DYSF: variants seen among roughly 807,000 people sequenced by gnomAD.
DYSF encodes the protein dystrophy-associated fer-1-like 1.
Under a neutral mutation model 274.9 loss-of-function variants are expected in DYSF, and 212 were observed. The observed-to-expected ratio is 0.77, with a 90% CI of 0.69 to 0.86. The LOEUF is 0.86. Ranked by LOEUF, DYSF falls within the 40% of genes least tolerant of loss-of-function variation. The pLI, the probability that DYSF is intolerant of heterozygous loss-of-function variation, is 0.00. For missense variants in DYSF, 2,666 were observed against 2,783.2 expected, an observed-to-expected ratio of 0.96 and a Z score of 0.95; for synonymous variants, 1,091 against 1,078.7, an observed-to-expected ratio of 1.01 and a Z score of -0.22.
At chr2:71,626,710 A>G (rs1267406613) in intron 41 of DYSF, among the ~76,000 whole-genome samples, 2 of 151,664 alleles carry the variant, frequency 1.3e-5, no homozygotes, top group African/African-American at 4.8e-5. Flanking sequence ...TATTATTTTC[A>G]GGTTTATAAA....
chr2:71,580,582 C>T (rs2092858958), intron 30 of DYSF, among the ~76,000 whole-genome samples: 1 of 152,072 alleles, frequency 6.6e-6, no homozygotes, highest in African/African-American at 2.4e-5. Context: ...GAGGGGTTTA[C>T]CTCATTAGGA....
intron 3 of DYSF, among the ~76,000 whole-genome samples, chr2:71,488,986 A>G (rs1193397877): frequency 6.6e-6 from 1 of 151,126 alleles, no homozygotes; most frequent in Non-Finnish European, 1.5e-5. Flanking sequence ...TCCTCCTCCC[A>G]CCCCCACATT....
intron 20 of DYSF, 55 bp from the exon 21 acceptor site, chr2:71,553,752 A>AAACCCCCCCCCCCCCCCCCCGG: frequency 3.7e-6 from 1 of 267,804 alleles, no homozygotes; most frequent in Non-Finnish European, 6.7e-6. Flanking sequence ...TTAGCACCCC[A>AAACCCCCCCCCCCCCCCCCCGG]TCCCACCCGC....
At chr2:71,571,030 A>ACACAGATCACACC (rs2092394099) in intron 29 of DYSF, 2 of 436,108 alleles carry the variant, frequency 4.6e-6, no homozygotes, top group African/African-American at 2.9e-5. Flanking sequence ...CTCAGCACAC[A>ACACAGATCACACC]CACAGATTAC....
intron 19 of DYSF, among the ~76,000 whole-genome samples, chr2:71,552,666 T>A (rs887907591): frequency 6.6e-6 from 1 of 152,198 alleles, no homozygotes; most frequent in Non-Finnish European, 1.5e-5. Context: ...CCCCTCTGAA[T>A]GGCAGATAAG....
intron 22 of DYSF, among the ~76,000 whole-genome samples, chr2:71,561,313 A>G (rs2152803291): frequency 6.6e-6 from 1 of 152,302 alleles, no homozygotes; most frequent in Admixed American, 6.5e-5. Flanking sequence ...GAATGTGGAC[A>G]CAGCACAGAG....
chr2:71,568,319 T>C lies in DYSF; in HGVS notation c.2845T>C (p.Phe949Leu). The C allele has an allele frequency of 6.2e-7, 1 of 1,614,116 alleles. No homozygotes were observed. Among genetic ancestry groups the C allele is most frequent in the South Asian group, 1.1e-5 (1 of 91,076 alleles). ...CGGCTGGACCTGGGCTGGAGATTGG[T>C]TCGTGTGTCCGGAGAAGACGTGAGT... ...SAGWTWAGDW[F>L]VCPEKTLLHD... The change falls in exon 26 of 56, where the codon TTC becomes CTC. Residue 949 changes from phenylalanine (F) to leucine (L), a missense_variant. By Grantham distance (22) the Phe-to-Leu change is conservative. Coordinates refer to ENST00000410020, the MANE Select transcript of DYSF (RefSeq NM_001130987.2).
chr2:71,672,592 C>T (rs569614442), intron 51 of DYSF, among the ~76,000 whole-genome samples: 3 of 152,288 alleles, frequency 2.0e-5, no homozygotes, highest in Admixed American at 6.5e-5. Context: ...TAAAAGCGCC[C>T]AGGCCAGGAG....
intron 32 of DYSF, among the ~76,000 whole-genome samples, chr2:71,595,779 G>A (rs1486320653): frequency 6.6e-6 from 1 of 152,198 alleles, no homozygotes; most frequent in Non-Finnish European, 1.5e-5. Flanking sequence ...CCTCAGCTAG[G>A]GCACGATGTG....
intron 30 of DYSF, among the ~76,000 whole-genome samples, chr2:71,583,828 T>G (rs746117236): frequency 6.6e-6 from 1 of 152,190 alleles, no homozygotes; most frequent in Non-Finnish European, 1.5e-5. Context: ...CTGTGGTCCT[T>G]GGATATTAGT....
At position 71,595,483 on chromosome 2, in the gene DYSF, G is replaced by A. The variant is rs893994967; in HGVS notation, c.3575-3081G>A. 4.6e-5 allele frequency among the ~76,000 whole-genome samples: 7 copies of A among 152,154 alleles called. No individual in the cohort carries two copies. In the East Asian group the frequency reaches 5.8e-4, roughly 13 times the overall value. Reference sequence around the variant, plus strand: ...GGGTGATACTTCCCACTCTGTCCCCGACCCTGGTGGTCTGAGTGGTTGGTG... The same window carrying A: ...GGGTGATACTTCCCACTCTGTCCCCAACCCTGGTGGTCTGAGTGGTTGGTG... On this transcript the variant is annotated intron_variant, in intron 32 of 55. Coordinates refer to ENST00000410020, the MANE Select transcript of DYSF (RefSeq NM_001130987.2).
chr2:71,456,071 A>AT (rs2081049715), intron 1 of DYSF, among the ~76,000 whole-genome samples: 1 of 151,006 alleles, frequency 6.6e-6, no homozygotes, highest in Non-Finnish European at 1.5e-5. Context: ...AGCTCCCCCC[A>AT]TCCTGCATCC....
At chr2:71,652,267 C>A (rs1256508732) in intron 42 of DYSF, among the ~76,000 whole-genome samples, 2 of 152,172 alleles carry the variant, frequency 1.3e-5, no homozygotes, top group African/African-American at 2.4e-5. Context: ...AACATTGGTC[C>A]ATATCTTCTA....
upstream of DYSF, among the ~76,000 whole-genome samples, chr2:71,464,425 T>A (rs1435053026): frequency 6.6e-6 from 1 of 151,998 alleles, no homozygotes; most frequent in Non-Finnish European, 1.5e-5. Context: ...GAAAGGGAGA[T>A]GAAAGAGGGA....
At chr2:71,657,459 C>A (rs972408533) in intron 43 of DYSF, among the ~76,000 whole-genome samples, 1 of 152,200 alleles carries the variant, frequency 6.6e-6, no homozygotes, top group Admixed American at 6.5e-5. Context: ...CCTCTTCTCA[C>A]AGCTCTACTA....
chr2:71,686,345 C>T, intron 55 of DYSF, 109 bp from the exon 56 acceptor site: 1 of 1,398,012 alleles, frequency 7.2e-7, no homozygotes, highest in Non-Finnish European at 1.0e-6. Context: ...AGCCTCTTGC[C>T]TGTTGGCAGC....
At chr2:71,676,841 A>G (rs548290920) in intron 52 of DYSF, among the ~76,000 whole-genome samples, 16 of 152,138 alleles carry the variant, frequency 1.1e-4, no homozygotes, top group Non-Finnish European at 1.9e-4. Context: ...TTTAAAGGTA[A>G]TGGTTAAGCA....
At chr2:71,465,554 C>T (rs1235071817), upstream of DYSF, among the ~76,000 whole-genome samples, 1 of 152,212 alleles carries the variant, frequency 6.6e-6, no homozygotes, top group Non-Finnish European at 1.5e-5. Flanking sequence ...TACTCTCCAA[C>T]ACAGCACTGG....
intron 17 of DYSF, among the ~76,000 whole-genome samples, chr2:71,540,786 G>GTA (rs138700727): frequency 0.036 from 5,406 of 151,890 alleles, 143 homozygotes; most frequent in Middle Eastern, 0.068. Context: ...TAGGAGTTCT[G>GTA]TATATATATG....
Sources: gnomAD v4.1 joint callset for allele counts (sites outside exome capture counted in the v4.1 genomes callset) on GRCh38, gnomAD v4.1.1 for gene constraint, MANE v1.5 for transcripts, NCBI Gene and HGNC (gene_info 2026-07-23, HGNC 2026-07-21) for gene names.